The following ZNF385D variants were observed in gnomAD, a reference collection of about 807,000 sequenced individuals.
The protein encoded by ZNF385D is zinc finger protein 385D.
In ZNF385D, 15 loss-of-function variants were observed where a neutral mutation model predicts 35.8. The observed-to-expected ratio is 0.42, with a 90% CI of 0.28 to 0.64. ZNF385D has a LOEUF of 0.64. ZNF385D is among the 30% of genes least tolerant of loss of function. The pLI is 0.23. For missense variants in ZNF385D, 474 were observed against 494.6 expected, an observed-to-expected ratio of 0.96 and a Z score of 0.39; for synonymous variants, 212 against 186.8, an observed-to-expected ratio of 1.13 and a Z score of -1.10.
At chr3:21,810,606 A>G (rs1266924222) in intron 3 of ZNF385D, among the ~76,000 whole-genome samples, 1 of 152,118 alleles carries the variant, frequency 6.6e-6, no homozygotes, top group Non-Finnish European at 1.5e-5. Flanking sequence ...AACTAATAAA[A>G]TTAGTTACTT....
chr3:21,955,056 C>T lies in ZNF385D; in HGVS notation c.325+213761G>A, dbSNP rs1450272507. On this transcript the variant is annotated intron_variant, in intron 3 of 5. Transcript: ENST00000494108. ...ATTGTAAAAAGTCAAGGTTTTTTAT[C>T]GTTACCAACAGATGTTTTTGTGTTT... Among the ~76,000 whole-genome samples the T allele has an allele frequency of 7.2e-5, 11 of 152,062 alleles. No homozygotes were observed. In the East Asian group the frequency reaches 9.6e-4, roughly 13 times the overall value.
intron 1 of ZNF385D, among the ~76,000 whole-genome samples, chr3:21,724,829 A>G (rs565126289): frequency 1.1e-4 from 17 of 152,006 alleles, no homozygotes; most frequent in Non-Finnish European, 2.2e-4. Context: ...TGGACCAAGC[A>G]GACCTAATAG....
At position 21,516,359 on chromosome 3, in the gene ZNF385D, T is replaced by TAAAG. The variant is rs1310824847; in HGVS notation, c.277-5340_277-5337dup. Among the ~76,000 whole-genome samples, 3 of 152,300 alleles carry TAAAG rather than the reference T, an allele frequency of 2.0e-5. No homozygotes were observed. In the East Asian group the frequency reaches 5.8e-4, roughly 29 times the overall value. The stretch of plus-strand genomic sequence containing the variant: ...AGAATATTCCACTGCAAATATAGTA[T>TAAAG]AAAGACCATTTTGAGCTGATTATTT... On this transcript the variant is annotated intron_variant, in intron 3 of 7. Coordinates refer to ENST00000281523, the MANE Select transcript of ZNF385D (RefSeq NM_024697.3).
intron 3 of ZNF385D, among the ~76,000 whole-genome samples, chr3:22,045,841 A>C (rs985838168): frequency 6.6e-6 from 1 of 152,052 alleles, no homozygotes; most frequent in African/African-American, 2.4e-5. Flanking sequence ...GCTGCCCTTG[A>C]GAAGTAAAAC....
rs1465434209 is a variant in ZNF385D, at chr3:21,419,079, A to C, written c.*2135T>G. ...GCTAATCAATATATTTAACCAGAGA[A>C]GCATGGTTTGAAATTCTTTCTACCA... On this transcript the variant is annotated 3_prime_UTR_variant, in exon 8 of 8. Transcript: ENST00000281523. The C allele has an allele frequency of 6.6e-6, 1 of 152,514 alleles. No homozygotes were observed. The highest frequency in any genetic ancestry group is 1.5e-5 in the Non-Finnish European group (1 of 68,118). The allele number at this position is 152,514 out of a possible 1,614,324, so 9.4% of individuals were successfully genotyped here.
rs146514959 is a variant in ZNF385D, at chr3:22,214,755, G to A, written c.107-45720C>T. On this transcript the variant is annotated intron_variant, in intron 2 of 5. Coordinates refer to the ZNF385D transcript ENST00000494108. ...GACCAGTTGTCTGCTCTCAAACCCT[G>A]TCTCCTGATAAGATGTTATCAATGA... 5.6e-3 allele frequency among the ~76,000 whole-genome samples: 857 copies of A among 152,084 alleles called. 4 individuals carry two copies. The highest frequency in any genetic ancestry group is 0.019 in the African/African-American group (801 of 41,514).
At position 21,413,114 on chromosome 3, in the gene ZNF385D, T is replaced by G. The variant is rs182496614; in HGVS notation, c.*8100A>C. 5.3e-5 allele frequency: 8 copies of G among 152,124 alleles called. No individual in the cohort carries two copies. Among genetic ancestry groups the G allele is most frequent in the Non-Finnish European group, 1.5e-5 (1 of 67,956 alleles). 9.4% of individuals were successfully genotyped at this position (152,124 alleles called of 1,614,324 possible). A position where few individuals can be genotyped will look rare whatever the true frequency, so the allele number is the denominator to read the frequency against. ...TTTTTAATGAAAACAAATATAACAA[T>G]AACATATAGAATCATCATTCAACTA... On this transcript the variant is annotated 3_prime_UTR_variant, in exon 8 of 8. Coordinates refer to ENST00000281523, the MANE Select transcript of ZNF385D (RefSeq NM_024697.3).
At chr3:21,916,790 C>T (rs1700212502) in intron 3 of ZNF385D, among the ~76,000 whole-genome samples, 2 of 152,186 alleles carry the variant, frequency 1.3e-5, no homozygotes, top group African/African-American at 4.8e-5. Flanking sequence ...AACGAAAGCA[C>T]TGTAATAGGT....
intron 2 of ZNF385D, among the ~76,000 whole-genome samples, chr3:22,193,354 T>C (rs1696188909): frequency 1.3e-5 from 2 of 151,988 alleles, no homozygotes; most frequent in Admixed American, 1.3e-4. Flanking sequence ...TATTACAAAG[T>C]GATACAATCA....
At chr3:21,732,851 T>C (rs1357940242) in intron 1 of ZNF385D, among the ~76,000 whole-genome samples, 1 of 152,204 alleles carries the variant, frequency 6.6e-6, no homozygotes, top group East Asian at 1.9e-4. Context: ...TTGACTCTTA[T>C]GCTCTTTGTA....
At chr3:22,074,515 A>G (rs1256310005) in intron 3 of ZNF385D, among the ~76,000 whole-genome samples, 3 of 151,986 alleles carry the variant, frequency 2.0e-5, no homozygotes, top group Admixed American at 2.0e-4. Context: ...GATTATCATA[A>G]GAGAAAATTA....
At chr3:22,370,788 T>G (rs974864971) in intron 2 of ZNF385D, among the ~76,000 whole-genome samples, 1 of 152,088 alleles carries the variant, frequency 6.6e-6, no homozygotes, top group Non-Finnish European at 1.5e-5. Context: ...AGCTGTAGAG[T>G]TTGGTGTTCA....
chr3:21,753,720 CTA>C (rs541217506), upstream of ZNF385D, among the ~76,000 whole-genome samples: 61 of 152,034 alleles, frequency 4.0e-4, 2 homozygotes, highest in South Asian at 8.9e-3. Context: ...TTACATAAAA[CTA>C]TTTTATTTAT....
intron 2 of ZNF385D, among the ~76,000 whole-genome samples, chr3:22,356,098 A>G (rs1696135727): frequency 6.6e-6 from 1 of 152,028 alleles, no homozygotes; most frequent in African/African-American, 2.4e-5. Flanking sequence ...GTAAGCAAAT[A>G]TGCGTGTTTT....
intron 3 of ZNF385D, among the ~76,000 whole-genome samples, chr3:21,824,963 T>C (rs1694506449): frequency 6.6e-6 from 1 of 152,216 alleles, no homozygotes; most frequent in Non-Finnish European, 1.5e-5. Flanking sequence ...AAAAATGTGA[T>C]GTGTAAATGC....
intron 3 of ZNF385D, among the ~76,000 whole-genome samples, chr3:22,127,317 C>CTTTTTTTTTTTTTTTTT (rs71044975): frequency 3.6e-5 from 2 of 56,308 alleles, no homozygotes; most frequent in Non-Finnish European, 6.6e-5. Context: ...TCATTTCCTG[C>CTTTTTTTTTTTTTTTTT]TTTTTTTTTT....
intron 2 of ZNF385D, among the ~76,000 whole-genome samples, chr3:22,330,499 T>C (rs988764160): frequency 1.3e-5 from 2 of 152,216 alleles, no homozygotes; most frequent in Admixed American, 6.5e-5. Flanking sequence ...TATAATGTTT[T>C]GAGCTTTTTT....
At chr3:21,932,606 T>C (rs1701069042) in intron 3 of ZNF385D, among the ~76,000 whole-genome samples, 1 of 151,882 alleles carries the variant, frequency 6.6e-6, no homozygotes. Context: ...TAACAATCAA[T>C]TGAATTGGAG....
chr3:22,234,807 A>G (rs1699085876), intron 2 of ZNF385D, among the ~76,000 whole-genome samples: 1 of 152,040 alleles, frequency 6.6e-6, no homozygotes, highest in Non-Finnish European at 1.5e-5. Context: ...GAGTACCAAA[A>G]TGGGCCTGTA....
Sources: gnomAD v4.1 joint callset for allele counts (sites outside exome capture counted in the v4.1 genomes callset) on GRCh38, gnomAD v4.1.1 for gene constraint, MANE v1.5 for transcripts, NCBI Gene and HGNC (gene_info 2026-07-23, HGNC 2026-07-21) for gene names.